CHORDC1: variants seen among roughly 807,000 people sequenced by gnomAD.
CHORDC1 encodes cysteine and histidine rich domain containing 1, also known as cysteine and histidine-rich domain-containing protein 1.
In CHORDC1, 25 loss-of-function variants were observed where a neutral mutation model predicts 48.3. That is an observed-to-expected ratio of 0.52 (90% CI 0.38 to 0.72). CHORDC1 has a LOEUF of 0.72. CHORDC1 is among the 30% of genes least tolerant of loss of function. The probability of loss-of-function intolerance (pLI) is 0.00; values close to 1 mark genes in which losing one functional copy is unlikely to be tolerated. For synonymous variants in CHORDC1, 128 were observed against 126.4 expected, an observed-to-expected ratio of 1.01 and a Z score of -0.09; for missense variants, 317 against 388.7, an observed-to-expected ratio of 0.82 and a Z score of 1.55.
In CHORDC1 at chr11:90,204,946, T is replaced by C. The variant is rs551775475; in HGVS notation, c.669+514A>G. Reference sequence around the variant, plus strand: ...CAGGGAAGTAGGAAATGATGCTTTTTTCCCCCCTTTTGATAAATATCCCAT... The same window carrying C: ...CAGGGAAGTAGGAAATGATGCTTTTCTCCCCCCTTTTGATAAATATCCCAT... On this transcript the variant is annotated intron_variant, in intron 8 of 10. Coordinates refer to ENST00000320585, the MANE Select transcript of CHORDC1 (RefSeq NM_012124.3). Among the ~76,000 whole-genome samples, 6 of 152,174 alleles carry C rather than the reference T, an allele frequency of 3.9e-5. No individual in the cohort carries two copies. In the East Asian group the frequency reaches 9.8e-4, roughly 25 times the overall value.
intron 1 of CHORDC1, among the ~76,000 whole-genome samples, chr11:90,218,733 G>A (rs1858081993): frequency 6.6e-6 from 1 of 152,074 alleles, no homozygotes; most frequent in African/African-American, 2.4e-5. Context: ...GGGTGCCTCT[G>A]CCTGGCCCCT....
chr11:90,205,096 G>A (rs554452102), intron 8 of CHORDC1, among the ~76,000 whole-genome samples: 1 of 148,792 alleles, frequency 6.7e-6, no homozygotes, highest in Admixed American at 6.8e-5. Flanking sequence ...AAGAATAACA[G>A]AGGTCTAAAC....
intron 2 of CHORDC1, 138 bp downstream of exon 2, chr11:90,217,997 C>T (rs1168777837): frequency 7.7e-6 from 4 of 519,122 alleles, no homozygotes; most frequent in Admixed American, 4.2e-5. Context: ...GTGGAGTATA[C>T]GCTTAAAGCA....
In CHORDC1 at chr11:90,206,286, A is replaced by G. The variant is rs1026906139; in HGVS notation, c.493-14T>C. The G allele has an allele frequency of 3.6e-6, 5 of 1,390,534 alleles. No individual in the cohort carries two copies. In the Admixed American group the frequency reaches 8.7e-5, roughly 24 times the overall value. 86.1% of individuals were successfully genotyped at this position (1,390,534 alleles called of 1,614,324 possible). A position where few individuals can be genotyped will look rare whatever the true frequency, so the allele number is the denominator to read the frequency against. ...ACCCTGGTATGTCTAAAAAGGAAACAAAGAGAAAAAAAATTAGCTGCGTAT... is the reference window on the plus strand; with the variant it reads ...ACCCTGGTATGTCTAAAAAGGAAACGAAGAGAAAAAAAATTAGCTGCGTAT... On this transcript the variant is annotated splice_polypyrimidine_tract_variant and intron_variant, in intron 6 of 10. Coordinates refer to ENST00000320585, the MANE Select transcript of CHORDC1 (RefSeq NM_012124.3).
Position 90,222,768 on chromosome 11 carries a change from G to A in CHORDC1, c.64+123C>T, listed in dbSNP as rs1301295170. 7 of 879,480 alleles carry A rather than the reference G, an allele frequency of 8.0e-6. No homozygotes were observed. The African/African-American group carries it at 1.0e-4, about 13-fold the overall frequency. The allele number at this position is 879,480 out of a possible 1,614,324, so 54.5% of individuals were successfully genotyped here. On this transcript the variant is annotated intron_variant, in intron 1 of 10. Coordinates refer to ENST00000320585, the MANE Select transcript of CHORDC1 (RefSeq NM_012124.3). Reference sequence around the variant, plus strand: ...GCGGGCAGCCAAGGGAGGCCCAGGAGGGGCATGGACCTGGGGCCGCGCGAG... The same window carrying A: ...GCGGGCAGCCAAGGGAGGCCCAGGAAGGGCATGGACCTGGGGCCGCGCGAG...
intron 9 of CHORDC1, 132 bp from the exon 10 acceptor site, chr11:90,203,007 C>T (rs1857579466): frequency 6.8e-6 from 8 of 1,176,304 alleles, no homozygotes; most frequent in Middle Eastern, 4.4e-4. Context: ...TGTATTGTTT[C>T]ATATGAGAAA....
chr11:90,222,782 G>A (rs747391314), intron 1 of CHORDC1, 109 bp downstream of exon 1: 3 of 1,031,198 alleles, frequency 2.9e-6, no homozygotes, highest in Non-Finnish European at 4.5e-6. Context: ...CATGGACCTG[G>A]GGCCGCGCGA....
intron 6 of CHORDC1, chr11:90,206,682 C>A: frequency 1.4e-6 from 1 of 704,568 alleles, no homozygotes; most frequent in Non-Finnish European, 2.1e-6. Flanking sequence ...ATCTAATAAG[C>A]AATTCTGGAA....
At chr11:90,211,796 C>T (rs10765275) in intron 4 of CHORDC1, 65,495 of 153,216 alleles carry the variant, frequency 0.43, 14,505 homozygotes, top group East Asian at 0.59. Context: ...AATTCAGATA[C>T]GATCGTATTG....
chr11:90,212,386 TG>T (rs1167528780), intron 4 of CHORDC1: 1 of 152,276 alleles, frequency 6.6e-6, no homozygotes, highest in Non-Finnish European at 1.5e-5. Context: ...CCCAGCCATA[TG>T]GAACTGTGAG....
intron 2 of CHORDC1, among the ~76,000 whole-genome samples, chr11:90,217,150 T>C (rs1858033493): frequency 6.6e-6 from 1 of 152,206 alleles, no homozygotes; most frequent in Non-Finnish European, 1.5e-5. Context: ...CTAACCAGAC[T>C]AATACATCTT....
Position 90,206,200 on chromosome 11 carries a change from AC to A in CHORDC1, c.563+1del. On this transcript the variant is annotated splice_donor_variant, in intron 7 of 10. Transcript: ENST00000320585. LOFTEE classifies it high-confidence loss of function. ...TATTTTAATAAGTCATGCATAAGTTACCCCTCATGGAAAATAGGTACTCCAG... is the reference window on the plus strand; with the variant it reads ...TATTTTAATAAGTCATGCATAAGTTACCCTCATGGAAAATAGGTACTCCAG... The A allele has an allele frequency of 6.7e-7, 1 of 1,486,464 alleles. No individual in the cohort carries two copies. The highest frequency in any genetic ancestry group is 9.4e-7 in the Non-Finnish European group (1 of 1,064,436). 92.1% of individuals were successfully genotyped at this position (1,486,464 alleles called of 1,614,324 possible).
At chr11:90,210,461 T>C in intron 6 of CHORDC1, 75 bp downstream of exon 6, 2 of 877,804 alleles carry the variant, frequency 2.3e-6, no homozygotes, top group South Asian at 1.5e-5. Context: ...GTTTGTTGAA[T>C]TGAGTCAGCA....
chr11:90,222,401 C>G (rs944273307), intron 1 of CHORDC1: 1 of 331,732 alleles, frequency 3.0e-6, no homozygotes, highest in Non-Finnish European at 5.8e-6. Flanking sequence ...ATCGACTGAA[C>G]ACAAACTTCT....
intron 1 of CHORDC1, among the ~76,000 whole-genome samples, chr11:90,220,547 T>C (rs148722664): frequency 6.6e-6 from 1 of 152,160 alleles, no homozygotes; most frequent in Non-Finnish European, 1.5e-5. Context: ...GTCAGAGGCA[T>C]AAAATGTCAC....
chr11:90,206,916 TTC>T (rs1195092248), intron 6 of CHORDC1: 16 of 435,780 alleles, frequency 3.7e-5, no homozygotes, highest in African/African-American at 2.1e-4. Context: ...GAAAATAAAA[TTC>T]TGTGTTTATC....
At chr11:90,218,641 A>G (rs962030296) in intron 1 of CHORDC1, among the ~76,000 whole-genome samples, 1 of 152,162 alleles carries the variant, frequency 6.6e-6, no homozygotes, top group African/African-American at 2.4e-5. Context: ...TACTGTAAAG[A>G]TTTTTTGCAG....
chr11:90,219,385 G>A, intron 1 of CHORDC1, among the ~76,000 whole-genome samples: 1 of 152,086 alleles, frequency 6.6e-6, no homozygotes, highest in East Asian at 1.9e-4. Flanking sequence ...ATGTAAATGG[G>A]TTTATTACAA....
In CHORDC1 at chr11:90,210,538, T is replaced by C. The variant is rs1231105024; in HGVS notation, c.490A>G (p.Lys164Glu). The change falls in exon 6 of 11, where the codon AAG (lysine) becomes GAG (glutamate). Residue 164 changes from lysine to glutamate, a missense_variant and splice_region_variant. Physicochemically the swap from Lys to Glu is moderately conservative, Grantham distance 56. Transcript: ENST00000320585. The stretch of plus-strand genomic sequence containing the variant: ...ATCACAAATCTTGTGATATATACCT[T>C]TGAACACCCTCCATTCTTACATGAG... ...GTSCKNGGCS[K>E]TYQGLESLEE... 1.9e-6 allele frequency: 3 copies of C among 1,585,932 alleles called. No homozygotes were observed. The highest frequency in any genetic ancestry group is 1.7e-5 in the Admixed American group (1 of 59,278).
Sources: gnomAD v4.1 joint callset for allele counts (sites outside exome capture counted in the v4.1 genomes callset) on GRCh38, gnomAD v4.1.1 for gene constraint, MANE v1.5 for transcripts, NCBI Gene and HGNC (gene_info 2026-07-23, HGNC 2026-07-21) for gene names.